VWF: variants seen among roughly 807,000 people sequenced by gnomAD.
VWF encodes the protein Factor VIII related antigen.
Under a neutral mutation model 308.6 loss-of-function variants are expected in VWF, and 176 were observed. The observed-to-expected ratio is 0.57, with a 90% CI of 0.50 to 0.65. The LOEUF (loss-of-function observed/expected upper bound fraction) is 0.65, where lower values mean the gene tolerates loss of function less well. Among genes scored for constraint, VWF ranks in the 30% least tolerant of loss-of-function variants. VWF has a pLI of 0.00. For synonymous variants in VWF, 1,385 were observed against 1,443.4 expected (o/e 0.96, Z 0.92); for missense variants, 3,146 against 3,648.2 (o/e 0.86, Z 3.55).
At position 6,058,755 on chromosome 12, in the gene VWF, A is replaced by C. The variant is rs1944623224; in HGVS notation, c.1534-711T>G. ...AGCAGCAAAGCAGCGGCACAGTTCAAACTCCAGGCCATGAGCATGTGGTTT... is the reference window on the plus strand; with the variant it reads ...AGCAGCAAAGCAGCGGCACAGTTCACACTCCAGGCCATGAGCATGTGGTTT... On this transcript the variant is annotated intron_variant, in intron 13 of 51. Coordinates refer to ENST00000261405, the MANE Select transcript of VWF (RefSeq NM_000552.5). The surrounding 1 kb of genome is among the most constrained non-coding windows in gnomAD (Gnocchi z 4.9). Among the ~76,000 whole-genome samples the C allele has an allele frequency of 6.6e-6, 1 of 152,282 alleles. No individual in the cohort carries two copies. The highest frequency in any genetic ancestry group is 2.4e-5 in the African/African-American group (1 of 41,554).
intron 6 of VWF, among the ~76,000 whole-genome samples, chr12:6,077,936 C>T (rs1944864561): frequency 6.6e-6 from 1 of 152,162 alleles, no homozygotes. Flanking sequence ...TCAACCCCTC[C>T]TCTGCAAAAC....
intron 38 of VWF, among the ~76,000 whole-genome samples, chr12:5,987,844 T>A (rs1484706536): frequency 6.6e-6 from 1 of 152,242 alleles, no homozygotes; most frequent in Non-Finnish European, 1.5e-5. Context: ...GGTTGAGGGA[T>A]ATATTTAAAA....
rs1250982037 is a variant in VWF, at chr12:6,060,304, TG to T, written c.1534-2261del. Reference sequence around the variant, plus strand: ...AGCACACAGAGGATGTGATTTCTGCTGGCTGGAGCCTTGCTGCCTGGACCGC... The same window carrying T: ...AGCACACAGAGGATGTGATTTCTGCTGCTGGAGCCTTGCTGCCTGGACCGC... On this transcript the variant is annotated intron_variant, in intron 13 of 51. Coordinates refer to ENST00000261405, the MANE Select transcript of VWF (RefSeq NM_000552.5). The surrounding 1 kb of genome is among the most constrained non-coding windows in gnomAD (Gnocchi z 5.1). Among the ~76,000 whole-genome samples, 11 of 152,188 alleles carry T rather than the reference TG, an allele frequency of 7.2e-5. No individual in the cohort carries two copies. The highest frequency in any genetic ancestry group is 2.1e-4 in the South Asian group (1 of 4,834).
At chr12:5,963,965 T>C (rs1362577461) in intron 47 of VWF, among the ~76,000 whole-genome samples, 1 of 152,158 alleles carries the variant, frequency 6.6e-6, no homozygotes, top group Admixed American at 6.5e-5. Flanking sequence ...CCCAGCACTT[T>C]GGGAGGCCAA....
Position 6,092,614 on chromosome 12 carries a change from T to TGAGTGAGTGAGAGAGAGAGA in VWF, c.657+2845_657+2846insTCTCTCTCTCTCACTCACTC, listed in dbSNP as rs71064187. On this transcript the variant is annotated intron_variant, in intron 6 of 51. Transcript: ENST00000261405. ...CATGCCCAGCTAGTTAGTGAGTGAG[T>TGAGTGAGTGAGAGAGAGAGA]GAGAGTGTGTGTGTGTGTGTGTGTG... 4.1e-4 allele frequency among the ~76,000 whole-genome samples: 35 copies of TGAGTGAGTGAGAGAGAGAGA among 86,088 alleles called. 1 individual carries two copies. The highest frequency in any genetic ancestry group is 5.3e-3 in the Middle Eastern group (1 of 190). The allele number at this position is 86,088 out of a possible 152,430, so 56.5% of individuals were successfully genotyped here.
rs1429748990 is a variant in VWF, at chr12:6,016,501, T to C, written c.5311+15A>G. The C allele has an allele frequency of 6.2e-7, 1 of 1,613,012 alleles. No homozygotes were observed. The highest frequency in any genetic ancestry group is 8.5e-7 in the Non-Finnish European group (1 of 1,179,756). ...GAATGCAGCTTCTGCATCCAGCCTG[T>C]GGCACCAACGTTACCGATTTGGCTG... On this transcript the variant is annotated intron_variant, in intron 30 of 51. Coordinates refer to ENST00000261405, the MANE Select transcript of VWF (RefSeq NM_000552.5).
At chr12:6,103,364 ATATG>A (rs1430295772) in intron 5 of VWF, among the ~76,000 whole-genome samples, 3 of 132,756 alleles carry the variant, frequency 2.3e-5, no homozygotes, top group Non-Finnish European at 3.4e-5. Flanking sequence ...ATATACATAT[ATATG>A]TGTGTGTGTG....
At chr12:5,982,726 T>C (rs1265000789) in intron 41 of VWF, among the ~76,000 whole-genome samples, 1 of 152,184 alleles carries the variant, frequency 6.6e-6, no homozygotes, top group African/African-American at 2.4e-5. Flanking sequence ...AGTTACAGTA[T>C]ATAGTGATTA....
chr12:5,948,907 T>C lies in VWF; in HGVS notation c.*108A>G, dbSNP rs550028909. On this transcript the variant is annotated 3_prime_UTR_variant, in exon 52 of 52. Coordinates refer to ENST00000261405, the MANE Select transcript of VWF (RefSeq NM_000552.5). The surrounding 1 kb of genome is among the most constrained non-coding windows in gnomAD (Gnocchi z 4.4). ...CAAGATAAGAGCTCAGCCTTTATTG[T>C]GGGCTCAGAAGGGCACAAGAGCAGA... is the stretch of plus-strand genomic sequence containing the variant. 7.6e-7 allele frequency: 1 copy of C among 1,308,756 alleles called. No individual in the cohort carries two copies. Among genetic ancestry groups the C allele is most frequent in the South Asian group, 1.3e-5 (1 of 78,782 alleles). 81.1% of individuals were successfully genotyped at this position (1,308,756 alleles called of 1,614,324 possible).
intron 42 of VWF, among the ~76,000 whole-genome samples, chr12:5,979,683 G>A (rs111356721): frequency 0.013 from 1,994 of 151,760 alleles, 26 homozygotes; most frequent in Non-Finnish European, 0.017. Context: ...CAGGGAGTAC[G>A]AGGCTACAAT....
chr12:6,108,143 A>C (rs924824078), intron 5 of VWF, among the ~76,000 whole-genome samples: 2 of 151,724 alleles, frequency 1.3e-5, no homozygotes, highest in African/African-American at 4.8e-5. Context: ...AAAATACAAA[A>C]ATTAGCCAGG....
intron 34 of VWF, among the ~76,000 whole-genome samples, chr12:6,000,080 A>T (rs1003993609): frequency 6.6e-6 from 1 of 152,206 alleles, no homozygotes; most frequent in African/African-American, 2.4e-5. Context: ...AAGAGAAAAC[A>T]AAACAATGGA....
chr12:5,994,497 G>A lies in VWF; in HGVS notation c.6174C>T (p.Ile2058=). ...HEVRFNHLGH[I]FTFTPQNNEF... is the part of the protein sequence containing the mutation. ...CATTGTTTTGTGGAGTGAATGTGAAGATGTGACCAAGGTGATTGAATCTGA... is the reference window on the plus strand; with the variant it reads ...CATTGTTTTGTGGAGTGAATGTGAAAATGTGACCAAGGTGATTGAATCTGA... Residue 2058 remains isoleucine (I), a synonymous_variant, in exon 36 of 52, where the codon ATC becomes ATT. Coordinates refer to ENST00000261405, the MANE Select transcript of VWF (RefSeq NM_000552.5). 3 of 1,614,140 alleles carry A rather than the reference G, an allele frequency of 1.9e-6. No individual in the cohort carries two copies. Among genetic ancestry groups the A allele is most frequent in the Non-Finnish European group, 2.5e-6 (3 of 1,179,988 alleles).
At chr12:6,027,732 C>A (rs1944210561) in intron 22 of VWF, among the ~76,000 whole-genome samples, 1 of 152,004 alleles carries the variant, frequency 6.6e-6, no homozygotes, top group Non-Finnish European at 1.5e-5. Context: ...GCCCTGCCCA[C>A]CAATTTTAGC....
intron 16 of VWF, among the ~76,000 whole-genome samples, chr12:6,048,690 T>C (rs1237528164): frequency 1.3e-5 from 2 of 150,332 alleles, no homozygotes; most frequent in African/African-American, 4.9e-5. Flanking sequence ...CTCAAACTCC[T>C]GACCTCAAGT....
chr12:6,013,770 C>CATAGGGCTGATG, intron 31 of VWF, 125 bp from the exon 32 acceptor site: 2 of 1,067,430 alleles, frequency 1.9e-6, no homozygotes, highest in Non-Finnish European at 2.8e-6. Context: ...TACATCAGCC[C>CATAGGGCTGATG]TATGAGGAAG....
intron 16 of VWF, among the ~76,000 whole-genome samples, chr12:6,047,482 C>T (rs1411923231): frequency 2.0e-5 from 3 of 152,198 alleles, no homozygotes; most frequent in Non-Finnish European, 2.9e-5. Flanking sequence ...TCATCCCTGC[C>T]ACTGTCTTCT....
intron 5 of VWF, among the ~76,000 whole-genome samples, chr12:6,096,216 T>C (rs953100017): frequency 1.1e-4 from 17 of 152,130 alleles, no homozygotes; most frequent in Non-Finnish European, 1.9e-4. Flanking sequence ...GCCCTTTCCC[T>C]GTCACTTCTC....
At chr12:6,108,889 G>A (rs1295671233) in intron 5 of VWF, among the ~76,000 whole-genome samples, 2 of 151,382 alleles carry the variant, frequency 1.3e-5, no homozygotes, top group Non-Finnish European at 2.9e-5. Context: ...GCTGAGGCAG[G>A]AGAATGGCGT....
Sources: gnomAD v4.1 joint callset for allele counts (sites outside exome capture counted in the v4.1 genomes callset) on GRCh38, gnomAD v4.1.1 for gene constraint, Gnocchi (gnomAD v3.1) non-coding constraint, MANE v1.5 for transcripts, NCBI Gene and HGNC (gene_info 2026-07-23, HGNC 2026-07-21) for gene names.